EYS: variants seen among roughly 807,000 people sequenced by gnomAD.
The protein encoded by EYS is protein eyes shut homolog.
EYS carries 250 observed loss-of-function variants against 282.1 expected under a neutral mutation model. The ratio of observed to expected loss-of-function variants is 0.89; its 90% CI spans 0.80 to 0.98. EYS has a LOEUF of 0.98. Ranked by LOEUF, EYS falls within the 50% of genes least tolerant of loss-of-function variation. The probability of loss-of-function intolerance (pLI) is 0.00; values close to 1 mark genes in which losing one functional copy is unlikely to be tolerated. For synonymous variants in EYS, 1,355 were observed against 1,282.9 expected, an observed-to-expected ratio of 1.06 and a Z score of -1.20; for missense variants, 4,016 against 3,709.0, an observed-to-expected ratio of 1.08 and a Z score of -2.15.
chr6:65,344,140 G>A lies in EYS; in HGVS notation c.1497C>T (p.Ala499=), dbSNP rs1300237940. ...TGCAGTTTGCAGCCAGAAAGAAATA[G>A]GCATCAATAACCCCTTGGCACTTTT... The part of the protein sequence containing the change: ...EGEKCQGVID[A]YFFLAANCTE... Residue 499 remains alanine, a synonymous_variant, in exon 10 of 43, where the codon GCC becomes GCT. Coordinates refer to ENST00000503581, the MANE Select transcript of EYS (RefSeq NM_001142800.2). The A allele has an allele frequency of 6.2e-7, 1 of 1,610,022 alleles. No homozygotes were observed. Among genetic ancestry groups the A allele is most frequent in the Non-Finnish European group, 8.5e-7 (1 of 1,177,572 alleles).
At chr6:64,780,733 C>T (rs1231556395) in intron 22 of EYS, among the ~76,000 whole-genome samples, 1 of 152,076 alleles carries the variant, frequency 6.6e-6, no homozygotes, top group Admixed American at 6.5e-5. Flanking sequence ...AGCTGGAATC[C>T]TGTGACCCAA....
chr6:64,779,813 AAATTAAACATTATTTTAAAATG>A (rs1773803762), intron 22 of EYS, among the ~76,000 whole-genome samples: 1 of 152,206 alleles, frequency 6.6e-6, no homozygotes, highest in East Asian at 1.9e-4. Flanking sequence ...TAAGAGCTAT[AAATTAAACATTATTTTAAAATG>A]CTGTTTGATA....
intron 11 of EYS, chr6:65,301,081 G>C (rs1000052502): frequency 6.6e-6 from 1 of 152,120 alleles, no homozygotes; most frequent in African/African-American, 2.4e-5. Flanking sequence ...TCGAGTATTC[G>C]GCTTATTTAG....
At chr6:63,904,032 C>T (rs1308882072) in intron 35 of EYS, among the ~76,000 whole-genome samples, 1 of 152,216 alleles carries the variant, frequency 6.6e-6, no homozygotes, top group Non-Finnish European at 1.5e-5. Context: ...TAGCGTTGCT[C>T]CAGTCTTATC....
chr6:64,241,292 T>C (rs1766819872), intron 30 of EYS, among the ~76,000 whole-genome samples: 2 of 152,172 alleles, frequency 1.3e-5, no homozygotes, highest in South Asian at 4.1e-4. Flanking sequence ...TCTTTTTCTA[T>C]TGTTTCAAAT....
chr6:64,572,331 C>A (rs1156797028), intron 26 of EYS, among the ~76,000 whole-genome samples: 1 of 152,060 alleles, frequency 6.6e-6, no homozygotes, highest in Non-Finnish European at 1.5e-5. Flanking sequence ...AGTGAATGGG[C>A]AAAAGCTGGA....
intron 2 of EYS, among the ~76,000 whole-genome samples, chr6:65,634,190 T>C (rs1410814503): frequency 2.0e-5 from 3 of 152,180 alleles, no homozygotes; most frequent in Non-Finnish European, 4.4e-5. Flanking sequence ...GACAAACATA[T>C]GGACAAATGA....
chr6:65,196,259 A>AT (rs1225505702), intron 12 of EYS, among the ~76,000 whole-genome samples: 1 of 151,928 alleles, frequency 6.6e-6, no homozygotes, highest in Non-Finnish European at 1.5e-5. Context: ...CTTTAATAGG[A>AT]TTCACTTAAG....
At chr6:64,422,434 G>A (rs1434706261) in intron 28 of EYS, among the ~76,000 whole-genome samples, 2 of 152,154 alleles carry the variant, frequency 1.3e-5, no homozygotes, top group Admixed American at 6.5e-5. Context: ...GTGGACAAGG[G>A]TTGTTAGGTC....
intron 28 of EYS, among the ~76,000 whole-genome samples, chr6:64,431,237 T>C (rs1222645464): frequency 6.6e-6 from 1 of 152,160 alleles, no homozygotes; most frequent in East Asian, 1.9e-4. Context: ...GTCTTCTGTC[T>C]TCATGGTGTC....
intron 31 of EYS, among the ~76,000 whole-genome samples, chr6:64,226,127 A>G (rs1216388862): frequency 3.9e-5 from 6 of 152,118 alleles, no homozygotes; most frequent in South Asian, 2.1e-4. Context: ...CTTCTTAGCT[A>G]TGGAATACCT....
chr6:65,375,086 T>C (rs756500128), intron 8 of EYS, among the ~76,000 whole-genome samples: 75 of 152,154 alleles, frequency 4.9e-4, no homozygotes, highest in Non-Finnish European at 8.8e-4. Flanking sequence ...GCCTCCTGAC[T>C]GTGAGAGACC....
chr6:65,478,273 C>T (rs1988374), intron 5 of EYS, among the ~76,000 whole-genome samples: 28,354 of 151,858 alleles, frequency 0.19, 3,279 homozygotes, highest in Middle Eastern at 0.3. Flanking sequence ...TTAGAGCAAA[C>T]GACTGGTTAA....
intron 19 of EYS, among the ~76,000 whole-genome samples, chr6:64,880,333 A>C (rs1011917619): frequency 6.6e-6 from 1 of 151,882 alleles, no homozygotes; most frequent in Non-Finnish European, 1.5e-5. Context: ...ATATAATTGT[A>C]TATACATGCT....
intron 35 of EYS, among the ~76,000 whole-genome samples, chr6:63,922,704 T>C (rs867465865): frequency 6.6e-6 from 1 of 152,256 alleles, no homozygotes; most frequent in South Asian, 2.1e-4. Flanking sequence ...AGATGCGTCA[T>C]TGTTTGTCCT....
chr6:64,372,366 C>T (rs1248647985), intron 29 of EYS, among the ~76,000 whole-genome samples: 2 of 152,010 alleles, frequency 1.3e-5, no homozygotes, highest in East Asian at 1.9e-4. Context: ...AATATATGCC[C>T]CCAATCTCTT....
At chr6:63,949,984 C>T (rs566648111) in intron 35 of EYS, among the ~76,000 whole-genome samples, 138 of 152,076 alleles carry the variant, frequency 9.1e-4, no homozygotes, top group African/African-American at 3.2e-3. Flanking sequence ...CCAGCCTGGC[C>T]AAGATGGTGA....
intron 24 of EYS, among the ~76,000 whole-genome samples, chr6:64,595,414 A>G (rs2149834771): frequency 6.6e-6 from 1 of 152,302 alleles, no homozygotes; most frequent in Admixed American, 6.5e-5. Context: ...GTTATTCACC[A>G]TTGTCCCGGA....
chr6:65,406,838 G>A (rs11962139), intron 5 of EYS, among the ~76,000 whole-genome samples: 8,181 of 151,920 alleles, frequency 0.054, 314 homozygotes, highest in African/African-American at 0.1. Flanking sequence ...ATAACCCATT[G>A]ACCAGATAAA....
Sources: allele counts gnomAD v4.1 joint callset (sites outside exome capture counted in the v4.1 genomes callset), GRCh38; gene constraint gnomAD v4.1.1; transcripts MANE v1.5; gene names NCBI Gene and HGNC (gene_info 2026-07-23, HGNC 2026-07-21).